The following GBE1 variants were observed in gnomAD, a reference collection of about 807,000 sequenced individuals.
GBE1 encodes the protein 1,4-alpha-glucan branching enzyme 1.
A neutral mutation model predicts 88.8 loss-of-function variants in GBE1; 70 were observed. The observed-to-expected ratio is 0.79, with a 90% CI of 0.65 to 0.96. GBE1 has a LOEUF of 0.96. Ranked by LOEUF, GBE1 falls within the 40% of genes least tolerant of loss-of-function variation. GBE1 has a pLI of 0.00. For missense variants in GBE1, 872 were observed against 871.0 expected (o/e 1.00, Z -0.01); for synonymous variants, 284 against 300.1 (o/e 0.95, Z 0.56).
rs376768905 is a variant in GBE1 at position 81,575,974 on chromosome 3, T to C, written c.1618+1951A>G. Among the ~76,000 whole-genome samples, 4 of 152,320 alleles carry C rather than the reference T, an allele frequency of 2.6e-5. No individual in the cohort carries two copies. The South Asian group carries it at 6.2e-4, about 24-fold the overall frequency. ...TCTCTTACTATTTCTAGTTTTTTCA[T>C]GTAGACTTTTTTTCCTCACAAGTGA... is the stretch of plus-strand genomic sequence containing the variant. On this transcript the variant is annotated intron_variant, in intron 12 of 15. Coordinates refer to ENST00000429644, the MANE Select transcript of GBE1 (RefSeq NM_000158.4).
chr3:81,755,198 G>A (rs376930890), intron 1 of GBE1, among the ~76,000 whole-genome samples: 9 of 152,026 alleles, frequency 5.9e-5, no homozygotes, highest in Middle Eastern at 3.4e-3. Context: ...ATAAATGGCC[G>A]ACAGGTGTAT....
chr3:81,703,940 A>T (rs548794923), intron 2 of GBE1, among the ~76,000 whole-genome samples: 9 of 152,136 alleles, frequency 5.9e-5, no homozygotes, highest in Admixed American at 5.9e-4. Flanking sequence ...ATTTTATACA[A>T]GAGACTTAAG....
intron 7 of GBE1, among the ~76,000 whole-genome samples, chr3:81,637,320 T>C (rs1310895517): frequency 2.0e-5 from 3 of 152,174 alleles, no homozygotes; most frequent in Non-Finnish European, 4.4e-5. Flanking sequence ...ATGAAATGCT[T>C]ATTTCTGGAA....
chr3:81,490,359 G>A lies in GBE1; in HGVS notation c.*48C>T. 1.3e-6 allele frequency: 2 copies of A among 1,490,662 alleles called. No homozygotes were observed. The allele number at this position is 1,490,662 out of a possible 1,614,324, so 92.3% of individuals were successfully genotyped here. ...ATAAGCTGTGTGACAGTGATAACAA[G>A]AAAACAAAACACAAATCTGCATCTG... On this transcript the variant is annotated 3_prime_UTR_variant, in exon 16 of 16. Coordinates refer to ENST00000429644, the MANE Select transcript of GBE1 (RefSeq NM_000158.4).
intron 7 of GBE1, among the ~76,000 whole-genome samples, chr3:81,621,448 C>G (rs907268540): frequency 1.3e-5 from 2 of 152,154 alleles, no homozygotes; most frequent in Non-Finnish European, 2.9e-5. Context: ...CTGCCCTCCT[C>G]CTGGCTTTCA....
chr3:81,748,878 G>A (rs187975166), intron 1 of GBE1, among the ~76,000 whole-genome samples: 112 of 151,580 alleles, frequency 7.4e-4, no homozygotes, highest in African/African-American at 2.4e-3. Context: ...ATGGTGGTGC[G>A]CACCTGTAGT....
chr3:81,493,020 A>T (rs1490178379), intron 15 of GBE1, among the ~76,000 whole-genome samples: 2 of 151,888 alleles, frequency 1.3e-5, no homozygotes, highest in Admixed American at 1.3e-4. Context: ...ACAGGCGTGA[A>T]CCACCGCAGC....
chr3:81,677,750 C>G (rs1297443075), intron 2 of GBE1, among the ~76,000 whole-genome samples: 3 of 152,092 alleles, frequency 2.0e-5, no homozygotes, highest in African/African-American at 7.2e-5. Context: ...AAGGAATCAC[C>G]CTTCTTCAAC....
intron 3 of GBE1, among the ~76,000 whole-genome samples, chr3:81,658,620 T>C (rs1704976518): frequency 1.3e-5 from 2 of 152,212 alleles, no homozygotes; most frequent in South Asian, 2.1e-4. Context: ...CCCTATCTTC[T>C]AGCCTAGTTA....
chr3:81,743,514 G>A (rs543071940), intron 1 of GBE1: 109 of 1,335,476 alleles, frequency 8.2e-5, no homozygotes, highest in Admixed American at 3.0e-4. Context: ...CTCTCTTACA[G>A]GCAAAGACCA....
chr3:81,705,807 C>T (rs1016080653), intron 1 of GBE1, among the ~76,000 whole-genome samples, 194 bp from the exon 2 acceptor site: 1 of 151,972 alleles, frequency 6.6e-6, no homozygotes, highest in Non-Finnish European at 1.5e-5. Flanking sequence ...ATAAACTGAG[C>T]TAATCTAACT....
intron 12 of GBE1, among the ~76,000 whole-genome samples, chr3:81,575,511 A>C (rs946031922): frequency 6.6e-6 from 1 of 152,154 alleles, no homozygotes; most frequent in Non-Finnish European, 1.5e-5. Context: ...CTGACAAATA[A>C]ATTTACGTAA....
intron 3 of GBE1, among the ~76,000 whole-genome samples, chr3:81,657,072 C>T (rs1392298096): frequency 6.8e-6 from 1 of 146,802 alleles, no homozygotes; most frequent in Non-Finnish European, 1.5e-5. Flanking sequence ...AGGAGAATTG[C>T]TTGAACCTTT....
intron 12 of GBE1, among the ~76,000 whole-genome samples, chr3:81,547,246 G>A (rs374522505): frequency 6.3e-4 from 96 of 151,518 alleles, no homozygotes; most frequent in African/African-American, 2.2e-3. Context: ...ACTTGGGTTC[G>A]AGGCCCAACT....
chr3:81,510,300 T>C (rs1245292663), intron 14 of GBE1, among the ~76,000 whole-genome samples: 2 of 152,144 alleles, frequency 1.3e-5, no homozygotes, highest in African/African-American at 4.8e-5. Context: ...ATTTTAGCTG[T>C]GGTGGTAGAA....
intron 1 of GBE1, among the ~76,000 whole-genome samples, chr3:81,723,261 G>GTT (rs1189151311): frequency 2.9e-4 from 21 of 73,600 alleles, no homozygotes; most frequent in Admixed American, 8.7e-4. Context: ...AAGTTGTTTT[G>GTT]TTTTTTTTTT....
At chr3:81,686,772 A>G (rs1011663086) in intron 2 of GBE1, among the ~76,000 whole-genome samples, 1 of 152,174 alleles carries the variant, frequency 6.6e-6, no homozygotes, top group African/African-American at 2.4e-5. Context: ...AAAATAAAAT[A>G]AAATAAAATT....
At chr3:81,509,908 C>A (rs1332298175) in intron 14 of GBE1, among the ~76,000 whole-genome samples, 2 of 151,360 alleles carry the variant, frequency 1.3e-5, no homozygotes, top group Non-Finnish European at 2.9e-5. Flanking sequence ...TATAAAAATC[C>A]TTCATTTTGG....
Position 81,499,112 on chromosome 3 carries a change from A to G in GBE1, c.2050T>C (p.Leu684=). 1 of 1,549,816 alleles carries G rather than the reference A, an allele frequency of 6.5e-7. No homozygotes were observed. The highest frequency in any genetic ancestry group is 1.1e-5 in the South Asian group (1 of 87,670). The stretch of plus-strand genomic sequence containing the variant: ...AATATGTTGAGAAACTTACTTACCA[A>G]AAGAGAATAGGGACGCCCATTATGT... The part of the protein sequence containing the change: ...FEHNGRPYSL[L]VYIPSRVALI... The change falls in exon 15 of 16, where the codon TTG becomes CTG. Residue 684 remains leucine, a splice_region_variant and synonymous_variant. Transcript: ENST00000429644.
Sources: allele counts gnomAD v4.1 joint callset (sites outside exome capture counted in the v4.1 genomes callset), GRCh38; gene constraint gnomAD v4.1.1; transcripts MANE v1.5; gene names NCBI Gene and HGNC (gene_info 2026-07-23, HGNC 2026-07-21).